The following MACROD2 variants were observed in gnomAD, a reference collection of about 807,000 sequenced individuals.
MACROD2 encodes the protein ADP-ribose glycohydrolase MACROD2.
In MACROD2, 36 loss-of-function variants were observed where a neutral mutation model predicts 70.4. The observed-to-expected ratio is 0.51, with a 90% CI of 0.39 to 0.68. The LOEUF is 0.68. MACROD2 is among the 30% of genes least tolerant of loss of function. MACROD2 has a pLI of 0.00. For synonymous variants in MACROD2, 172 were observed against 178.8 expected (o/e 0.96, Z 0.30); for missense variants, 496 against 538.4 (o/e 0.92, Z 0.78).
At chr20:15,869,233 A>ATG (rs2064541338) in intron 9 of MACROD2, among the ~76,000 whole-genome samples, 1 of 90,058 alleles carries the variant, frequency 1.1e-5, no homozygotes, top group Non-Finnish European at 2.3e-5. Flanking sequence ...ATATATATAT[A>ATG]TATATAGAGA....
chr20:15,080,115 C>CAAATAAAT (rs11467492), intron 5 of MACROD2, among the ~76,000 whole-genome samples: 2,233 of 143,318 alleles, frequency 0.016, 24 homozygotes, highest in Middle Eastern at 0.021. Flanking sequence ...ACAGAACAGC[C>CAAATAAAT]AAATAAATAA....
chr20:14,751,731 C>A (rs1325441837), intron 5 of MACROD2, among the ~76,000 whole-genome samples: 2 of 152,138 alleles, frequency 1.3e-5, no homozygotes, highest in African/African-American at 4.8e-5. Context: ...ATGCTCAGAT[C>A]CTACATGCCA....
intron 4 of MACROD2, among the ~76,000 whole-genome samples, chr20:14,495,508 C>T (rs1164344993): frequency 6.6e-6 from 1 of 152,118 alleles, no homozygotes; most frequent in Admixed American, 6.5e-5. Flanking sequence ...AAGCAATGCA[C>T]TCATCAGAAA....
At chr20:15,515,920 G>T (rs1488085382) in intron 8 of MACROD2, among the ~76,000 whole-genome samples, 1 of 152,162 alleles carries the variant, frequency 6.6e-6, no homozygotes, top group Non-Finnish European at 1.5e-5. Flanking sequence ...TTAGACTGTT[G>T]TCTAAAATGG....
chr20:14,325,256 A>G (rs2082715435), intron 3 of MACROD2: 1 of 219,384 alleles, frequency 4.6e-6, no homozygotes, highest in African/African-American at 2.3e-5. Context: ...CTTACTCAGT[A>G]GAACACAAAG....
chr20:15,759,102 C>T (rs1391891046), intron 8 of MACROD2, among the ~76,000 whole-genome samples: 5 of 140,616 alleles, frequency 3.6e-5, no homozygotes, highest in Non-Finnish European at 7.5e-5. Context: ...GCCAAGATTG[C>T]GCCACTGTAC....
intron 8 of MACROD2, among the ~76,000 whole-genome samples, chr20:15,650,888 G>T (rs540670139): frequency 1.3e-5 from 2 of 152,244 alleles, no homozygotes; most frequent in South Asian, 2.1e-4. Context: ...GACCATGTTG[G>T]TGTCATCAGC....
chr20:14,886,769 T>C (rs2122489917), intron 5 of MACROD2, among the ~76,000 whole-genome samples: 1 of 152,268 alleles, frequency 6.6e-6, no homozygotes, highest in African/African-American at 2.4e-5. Context: ...ACAACTTCTT[T>C]ATATTGGTTG....
intron 6 of MACROD2, among the ~76,000 whole-genome samples, chr20:15,291,334 C>T (rs2077539371): frequency 6.6e-6 from 1 of 152,176 alleles, no homozygotes; most frequent in African/African-American, 2.4e-5. Context: ...TGCTGCTGTC[C>T]TATGAGACAT....
At chr20:15,399,383 A>T (rs73901021) in intron 6 of MACROD2, among the ~76,000 whole-genome samples, 8,294 of 152,230 alleles carry the variant, frequency 0.054, 597 homozygotes, top group African/African-American at 0.16. Flanking sequence ...TATGTTGCTT[A>T]CACTCCTGTG....
At chr20:14,271,253 C>A (rs1473886082) in intron 3 of MACROD2, among the ~76,000 whole-genome samples, 1 of 152,180 alleles carries the variant, frequency 6.6e-6, no homozygotes, top group African/African-American at 2.4e-5. Flanking sequence ...CCAGTAGGGG[C>A]AGACTGACAC....
intron 5 of MACROD2, chr20:14,934,076 G>A (rs1311417577): frequency 6.6e-6 from 1 of 152,174 alleles, no homozygotes; most frequent in Non-Finnish European, 1.5e-5. Context: ...AGGCCATCTG[G>A]CCCTCAGAGT....
chr20:14,111,764 A>C (rs1247655773), intron 3 of MACROD2, among the ~76,000 whole-genome samples: 1 of 152,066 alleles, frequency 6.6e-6, no homozygotes, highest in East Asian at 1.9e-4. Flanking sequence ...GTTGATGGGA[A>C]TGTAAGCTAG....
At chr20:14,952,785 G>A (rs900276929) in intron 5 of MACROD2, among the ~76,000 whole-genome samples, 1 of 151,920 alleles carries the variant, frequency 6.6e-6, no homozygotes, top group Non-Finnish European at 1.5e-5. Flanking sequence ...AAAATCATAA[G>A]TATTCACAAA....
intron 9 of MACROD2, among the ~76,000 whole-genome samples, chr20:15,881,777 A>G (rs981812942): frequency 6.6e-6 from 1 of 152,122 alleles, no homozygotes; most frequent in African/African-American, 2.4e-5. Flanking sequence ...TCTTGCTTTT[A>G]GGTTAAACTA....
chr20:14,122,995 A>C (rs2148693689), intron 3 of MACROD2, among the ~76,000 whole-genome samples: 1 of 152,208 alleles, frequency 6.6e-6, no homozygotes, highest in South Asian at 2.1e-4. Flanking sequence ...GTGTTTTTTG[A>C]TGAGGTTGTT....
At chr20:14,815,683 C>G (rs2072765805) in intron 5 of MACROD2, among the ~76,000 whole-genome samples, 1 of 151,984 alleles carries the variant, frequency 6.6e-6, no homozygotes, top group Non-Finnish European at 1.5e-5. Flanking sequence ...CACTCAAGCA[C>G]AAGCGATCAA....
At chr20:16,047,820 C>T (rs1015954231) in intron 17 of MACROD2, among the ~76,000 whole-genome samples, 3 of 152,204 alleles carry the variant, frequency 2.0e-5, no homozygotes, top group African/African-American at 7.2e-5. Context: ...TGGCCACAGT[C>T]TTGCATTTTA....
At chr20:15,488,677 T>C (rs2146468572) in intron 7 of MACROD2, among the ~76,000 whole-genome samples, 1 of 152,300 alleles carries the variant, frequency 6.6e-6, no homozygotes, top group African/African-American at 2.4e-5. Flanking sequence ...ATGCCACCCA[T>C]TCAATAAGCA....
Sources: gnomAD v4.1 joint callset for allele counts (sites outside exome capture counted in the v4.1 genomes callset) on GRCh38, gnomAD v4.1.1 for gene constraint, MANE v1.5 for transcripts, NCBI Gene and HGNC (gene_info 2026-07-23, HGNC 2026-07-21) for gene names.